RAVER2: variants seen among roughly 807,000 people sequenced by gnomAD.
RAVER2 encodes the protein ribonucleoprotein PTB-binding 2.
Under a neutral mutation model 78.1 loss-of-function variants are expected in RAVER2, and 46 were observed. The ratio of observed to expected loss-of-function variants is 0.59; its 90% confidence interval spans 0.46 to 0.75. The LOEUF is 0.75. Ranked by LOEUF, RAVER2 falls within the 30% of genes least tolerant of loss-of-function variation. The probability of loss-of-function intolerance (pLI) is 0.00; values close to 1 mark genes in which losing one functional copy is unlikely to be tolerated. For missense variants in RAVER2, 793 were observed against 837.5 expected (o/e 0.95, Z 0.66); for synonymous variants, 311 against 313.3 (o/e 0.99, Z 0.08).
chr1:64,788,891 T>C (rs930229096), intron 4 of RAVER2, among the ~76,000 whole-genome samples: 5 of 152,172 alleles, frequency 3.3e-5, no homozygotes, highest in South Asian at 2.1e-4. Context: ...TGTAAAAATA[T>C]AGAAACAGGG....
chr1:64,771,153 G>T (rs1652305888), intron 2 of RAVER2, among the ~76,000 whole-genome samples: 1 of 151,830 alleles, frequency 6.6e-6, no homozygotes, highest in African/African-American at 2.4e-5. Flanking sequence ...TGTCTTAAAA[G>T]CAGCCAGAAA....
At position 64,783,066 on chromosome 1, in the gene RAVER2, T is replaced by C. The variant is rs190061475; in HGVS notation, c.978+1495T>C. On this transcript the variant is annotated intron_variant, in intron 4 of 11. Coordinates refer to ENST00000294428, the Ensembl canonical transcript of RAVER2. Reference sequence around the variant, plus strand: ...CCCTGCAAAGGACATGAACTCATCCTTTTTTATGGCTGCGTAGTATTCCAT... The same window carrying C: ...CCCTGCAAAGGACATGAACTCATCCCTTTTTATGGCTGCGTAGTATTCCAT... Among the ~76,000 whole-genome samples the C allele has an allele frequency of 2.4e-3, 367 of 152,368 alleles. 4 individuals carry two copies. Among genetic ancestry groups the C allele is most frequent in the African/African-American group, 8.5e-3 (352 of 41,576 alleles).
chr1:64,745,163 G>A lies in RAVER2; in HGVS notation c.-10G>A. On this transcript the variant is annotated 5_prime_UTR_variant, in exon 1 of 12. Transcript: ENST00000294428. The surrounding 1 kb of genome is among the most constrained non-coding windows in gnomAD (Gnocchi z 4.3). ...TCCGAGGAGTCCGCAGCCGCTGGGCGCCCGGGAAGATGGCGGCGGCGGCGG... is the reference window on the plus strand; with the variant it reads ...TCCGAGGAGTCCGCAGCCGCTGGGCACCCGGGAAGATGGCGGCGGCGGCGG... 1 of 1,018,058 alleles carries A rather than the reference G, an allele frequency of 9.8e-7. No homozygotes were observed. Among genetic ancestry groups the A allele is most frequent in the Non-Finnish European group, 1.2e-6 (1 of 853,018 alleles). 63.1% of individuals were successfully genotyped at this position (1,018,058 alleles called of 1,614,324 possible). A position where few individuals can be genotyped will look rare whatever the true frequency, so the allele number is the denominator to read the frequency against.
At chr1:64,818,440 G>A (rs2100894632) in intron 11 of RAVER2, among the ~76,000 whole-genome samples, 1 of 152,280 alleles carries the variant, frequency 6.6e-6, no homozygotes, top group Non-Finnish European at 1.5e-5. Flanking sequence ...GGAGGCTGAG[G>A]CAGGAGAATG....
In RAVER2 at chr1:64,779,030, T is replaced by C. The variant is rs578255156; in HGVS notation, c.786+938T>C. On this transcript the variant is annotated intron_variant, in intron 3 of 11. Transcript: ENST00000294428. The stretch of plus-strand genomic sequence containing the variant: ...TTATTTAAGTTGACAGTTAAAATTG[T>C]ATTTATCATGTATAACATGTTTTGA... Among the ~76,000 whole-genome samples the C allele has an allele frequency of 2.0e-5, 3 of 149,736 alleles. No individual in the cohort carries two copies. In the East Asian group the frequency reaches 5.8e-4, roughly 29 times the overall value.
At chr1:64,825,643 T>A (rs573102448) in intron 11 of RAVER2, among the ~76,000 whole-genome samples, 1 of 152,220 alleles carries the variant, frequency 6.6e-6, no homozygotes. Context: ...ATTCTTACGA[T>A]GGCTTTGAAA....
intron 5 of RAVER2, among the ~76,000 whole-genome samples, chr1:64,790,391 G>T (rs967304386): frequency 3.9e-5 from 6 of 152,146 alleles, no homozygotes; most frequent in Non-Finnish European, 7.4e-5. Flanking sequence ...AGCCTTCTTG[G>T]TTATCACATC....
At chr1:64,768,273 A>G (rs1476074555) in intron 1 of RAVER2, among the ~76,000 whole-genome samples, 2 of 152,106 alleles carry the variant, frequency 1.3e-5, no homozygotes, top group South Asian at 2.1e-4. Context: ...GTGGAAAATT[A>G]TGAGAAGCAA....
chr1:64,800,263 C>T (rs1459350173), intron 5 of RAVER2, among the ~76,000 whole-genome samples: 2 of 151,854 alleles, frequency 1.3e-5, no homozygotes, highest in African/African-American at 2.4e-5. Context: ...TGATTGTTTC[C>T]CTCATTGTGC....
At chr1:64,763,084 C>G (rs1652064942) in intron 1 of RAVER2, among the ~76,000 whole-genome samples, 1 of 152,108 alleles carries the variant, frequency 6.6e-6, no homozygotes, top group African/African-American at 2.4e-5. Flanking sequence ...CCAAGGCGGG[C>G]AGATCATGAG....
Position 64,764,129 on chromosome 1 carries a change from ATTTGT to A in RAVER2, c.250-4521_250-4517del, listed in dbSNP as rs529115383. 1.5e-4 allele frequency among the ~76,000 whole-genome samples: 23 copies of A among 152,242 alleles called. No individual in the cohort carries two copies. The South Asian group carries it at 4.8e-3, about 32-fold the overall frequency. On this transcript the variant is annotated intron_variant, in intron 1 of 11. Coordinates refer to ENST00000294428, the Ensembl canonical transcript of RAVER2. ...ATATTGTACAGCAATAAAAAAGAGG[ATTTGT>A]TTTGTCAGATATCAATGTTTATAAA... is the stretch of plus-strand genomic sequence containing the variant.
intron 11 of RAVER2, among the ~76,000 whole-genome samples, chr1:64,822,147 G>A (rs1047851905): frequency 4.2e-4 from 64 of 152,264 alleles, no homozygotes; most frequent in African/African-American, 1.5e-3. Context: ...AATTAGCTGG[G>A]TGTGGTGGTG....
At chr1:64,787,333 T>C (rs1453222173) in intron 4 of RAVER2, among the ~76,000 whole-genome samples, 1 of 151,956 alleles carries the variant, frequency 6.6e-6, no homozygotes. Context: ...TGTTTAGAGG[T>C]TGTGGGGAAG....
intron 11 of RAVER2, among the ~76,000 whole-genome samples, chr1:64,829,214 G>C (rs1654067782): frequency 6.6e-6 from 1 of 152,162 alleles, no homozygotes; most frequent in African/African-American, 2.4e-5. Flanking sequence ...TGCATGCCAA[G>C]ACATGAAAGA....
chr1:64,785,363 C>T (rs1652748176), intron 4 of RAVER2, among the ~76,000 whole-genome samples: 1 of 148,576 alleles, frequency 6.7e-6, no homozygotes, highest in Admixed American at 6.9e-5. Flanking sequence ...GTGCCTGTCC[C>T]TAACTTTTTT....
intron 1 of RAVER2, among the ~76,000 whole-genome samples, chr1:64,760,159 G>A (rs755940304): frequency 4.0e-5 from 6 of 151,848 alleles, no homozygotes; most frequent in Non-Finnish European, 8.8e-5. Flanking sequence ...AGACTTGAGA[G>A]GTTCAGTGGC....
At chr1:64,814,837 A>C (rs149901820) in exon 11 of RAVER2, 2 of 1,555,310 alleles carry the variant, frequency 1.3e-6, no homozygotes, top group Non-Finnish European at 1.7e-6. Flanking sequence ...GTGATTATGC[A>C]CAGGTAAATA....
chr1:64,831,794 T>C (rs571176225), exon 12 of RAVER2: 10 of 152,334 alleles, frequency 6.6e-5, no homozygotes, highest in Non-Finnish European at 1.2e-4. Flanking sequence ...ACATGAAATT[T>C]ATATGAAATT....
rs1651504983 is a variant in RAVER2, at chr1:64,745,532, C to G, written c.249+111C>G. 3 of 1,285,266 alleles carry G rather than the reference C, an allele frequency of 2.3e-6. No homozygotes were observed. The highest frequency in any genetic ancestry group is 3.0e-6 in the Non-Finnish European group (3 of 992,756). The allele number at this position is 1,285,266 out of a possible 1,614,324, so 79.6% of individuals were successfully genotyped here. A position where few individuals can be genotyped will look rare whatever the true frequency, so the allele number is the denominator to read the frequency against. On this transcript the variant is annotated intron_variant, in intron 1 of 11. Coordinates refer to ENST00000294428, the Ensembl canonical transcript of RAVER2. The surrounding 1 kb of genome is among the most constrained non-coding windows in gnomAD (Gnocchi z 4.3). ...AGCGGTCCTGGGGAGTGGGTCGGCGCCGAGTGGTGAGAGCGGCCCCTCGGT... is the reference window on the plus strand; with the variant it reads ...AGCGGTCCTGGGGAGTGGGTCGGCGGCGAGTGGTGAGAGCGGCCCCTCGGT...
Sources: allele counts gnomAD v4.1 joint callset (sites outside exome capture counted in the v4.1 genomes callset), GRCh38; gene constraint gnomAD v4.1.1; non-coding constraint Gnocchi (gnomAD v3.1); transcripts MANE v1.5; gene names NCBI Gene and HGNC (gene_info 2026-07-23, HGNC 2026-07-21).